Variants in MLLT10 observed in about 807,000 individuals in gnomAD.
MLLT10 encodes the protein MLLT10 histone lysine methyltransferase DOT1L cofactor.
A neutral mutation model predicts 129.1 loss-of-function variants in MLLT10; 30 were observed. The observed-to-expected ratio is 0.23, with a 90% CI of 0.17 to 0.32. MLLT10 has a LOEUF of 0.32. Among genes scored for constraint, MLLT10 ranks in the 10% least tolerant of loss-of-function variants. The pLI, the probability that MLLT10 is intolerant of heterozygous loss-of-function variation, is 1.00. For synonymous variants in MLLT10, 490 were observed against 446.4 expected (o/e 1.10, Z -1.23); for missense variants, 1,119 against 1,268.3 (o/e 0.88, Z 1.79).
At chr10:21,544,114 A>G (rs1451754434) in intron 3 of MLLT10, among the ~76,000 whole-genome samples, 1 of 152,108 alleles carries the variant, frequency 6.6e-6, no homozygotes, top group African/African-American at 2.4e-5. Flanking sequence ...TATTATTCTT[A>G]CTTTATGGGT....
At chr10:21,577,710 A>T (rs11012742) in intron 3 of MLLT10, among the ~76,000 whole-genome samples, 8,930 of 152,044 alleles carry the variant, frequency 0.059, 867 homozygotes, top group African/African-American at 0.2. Context: ...ACCTCAGGTT[A>T]TCCGCCCACA....
chr10:21,696,550 GA>G (rs1348342442), intron 13 of MLLT10, among the ~76,000 whole-genome samples: 2 of 152,120 alleles, frequency 1.3e-5, no homozygotes, highest in African/African-American at 4.8e-5. Context: ...CATCTTAGAT[GA>G]CCTTTATGCA....
intron 16 of MLLT10, among the ~76,000 whole-genome samples, chr10:21,728,645 A>G (rs2057706222): frequency 6.6e-6 from 1 of 152,054 alleles, no homozygotes; most frequent in Non-Finnish European, 1.5e-5. Context: ...CCCTCCCTCA[A>G]GCATGGTGTT....
intron 11 of MLLT10, among the ~76,000 whole-genome samples, 182 bp downstream of exon 11, chr10:21,674,101 G>C (rs1249724867): frequency 1.3e-5 from 2 of 152,316 alleles, no homozygotes; most frequent in East Asian, 1.9e-4. Context: ...TAAAGTCTTA[G>C]ATGATTTGGT....
chr10:21,629,681 AATGTT>A (rs1465570282), intron 8 of MLLT10, among the ~76,000 whole-genome samples: 2 of 152,190 alleles, frequency 1.3e-5, no homozygotes, highest in East Asian at 3.8e-4. Context: ...TAGAAGGATA[AATGTT>A]ATGTTCTTTG....
chr10:21,585,105 G>A (rs1703041004), intron 3 of MLLT10, among the ~76,000 whole-genome samples: 2 of 151,724 alleles, frequency 1.3e-5, no homozygotes, highest in Admixed American at 1.3e-4. Flanking sequence ...TTTGTTTTTT[G>A]TAGAGGTGGG....
chr10:21,704,729 T>C (rs1258081466), intron 13 of MLLT10, among the ~76,000 whole-genome samples: 1 of 152,046 alleles, frequency 6.6e-6, no homozygotes, highest in Non-Finnish European at 1.5e-5. Context: ...GAACATTTTA[T>C]TGAAGATATA....
intron 13 of MLLT10, among the ~76,000 whole-genome samples, chr10:21,704,909 TAGGATGCCAAGTAGACC>T: frequency 6.6e-6 from 1 of 152,248 alleles, no homozygotes; most frequent in African/African-American, 2.4e-5. Context: ...TGCTGGGGAC[TAGGATGCCAAGTAGACC>T]AGCCTTTGCA....
At position 21,534,273 on chromosome 10, in the gene MLLT10, T is replaced by G. The variant is rs1292938096; in HGVS notation, c.-248T>G. 1.0e-5 allele frequency: 4 copies of G among 387,892 alleles called. No homozygotes were observed. Among genetic ancestry groups the G allele is most frequent in the African/African-American group, 2.2e-5 (1 of 45,780 alleles). 24.0% of individuals were successfully genotyped at this position (387,892 alleles called of 1,614,324 possible). A position where few individuals can be genotyped will look rare whatever the true frequency, so the allele number is the denominator to read the frequency against. On this transcript the variant is annotated 5_prime_UTR_variant, in exon 1 of 23. Transcript: ENST00000307729. ...GCTCCGAGGAGGAAGCGCAGCCCCC[T>G]TCCCCTCCCTCGCTGCCCCTGGCCC...
chr10:21,538,441 G>A (rs906900020), intron 2 of MLLT10, among the ~76,000 whole-genome samples: 13 of 151,958 alleles, frequency 8.6e-5, no homozygotes, highest in Non-Finnish European at 1.6e-4. Context: ...GGGATTATAG[G>A]TGTGAGCCAC....
intron 3 of MLLT10, among the ~76,000 whole-genome samples, chr10:21,554,556 T>A (rs554229385): frequency 8.0e-5 from 12 of 150,786 alleles, no homozygotes; most frequent in African/African-American, 2.9e-4. Flanking sequence ...CGGGTTCAAG[T>A]GATTCCCCTG....
chr10:21,544,759 T>A (rs1207180805), intron 3 of MLLT10, among the ~76,000 whole-genome samples: 1 of 152,210 alleles, frequency 6.6e-6, no homozygotes, highest in Non-Finnish European at 1.5e-5. Context: ...ATACCATTAA[T>A]AAATATTAGA....
chr10:21,540,865 G>A (rs1297777399), intron 3 of MLLT10, among the ~76,000 whole-genome samples: 3 of 152,134 alleles, frequency 2.0e-5, no homozygotes, highest in Admixed American at 1.3e-4. Flanking sequence ...ATTTTTGAGC[G>A]GTAGAAATAA....
chr10:21,590,271 C>T lies in MLLT10; in HGVS notation c.295+3923C>T, dbSNP rs374049824. 4.6e-5 allele frequency among the ~76,000 whole-genome samples: 7 copies of T among 152,058 alleles called. No homozygotes were observed. In the East Asian group the frequency reaches 9.7e-4, roughly 21 times the overall value. ...TTATAAACTTAAGTCAATTTTGGTG[C>T]GCTCTATTTTTCCAAGAAATTTAAC... On this transcript the variant is annotated intron_variant, in intron 4 of 22. Coordinates refer to ENST00000307729, the MANE Select transcript of MLLT10 (RefSeq NM_001195626.3).
intron 2 of MLLT10, among the ~76,000 whole-genome samples, 175 bp downstream of exon 2, chr10:21,534,979 G>A (rs1404605103): frequency 2.0e-5 from 3 of 149,548 alleles, no homozygotes; most frequent in Admixed American, 6.7e-5. Context: ...GAAAGTGCGT[G>A]TGGCCCGGAC....
intron 21 of MLLT10, among the ~76,000 whole-genome samples, chr10:21,739,357 T>A (rs2058645432): frequency 6.6e-6 from 1 of 152,162 alleles, no homozygotes; most frequent in Non-Finnish European, 1.5e-5. Context: ...GAATTCCCTC[T>A]TCTCCTCCAA....
At chr10:21,717,675 TC>T (rs1409440974) in intron 14 of MLLT10, among the ~76,000 whole-genome samples, 5 of 117,246 alleles carry the variant, frequency 4.3e-5, no homozygotes, top group African/African-American at 1.7e-4. Flanking sequence ...TTCCTCCTCC[TC>T]TTCCTCCTCC....
intron 13 of MLLT10, among the ~76,000 whole-genome samples, chr10:21,701,192 T>C (rs2054869869): frequency 6.7e-6 from 1 of 149,816 alleles, no homozygotes; most frequent in African/African-American, 2.4e-5. Context: ...TTGATTTTGC[T>C]GATTTGGTTC....
rs1004383321 is a variant in MLLT10, at chr10:21,667,163, A to G, written c.796-3286A>G. ...CCTGTTTTCTAGATCGAATGTTTTC[A>G]GGGAAGATTTTGCTTTCATTCTTAA... On this transcript the variant is annotated intron_variant, in intron 9 of 22. Coordinates refer to ENST00000307729, the MANE Select transcript of MLLT10 (RefSeq NM_001195626.3). Among the ~76,000 whole-genome samples the G allele has an allele frequency of 9.2e-5, 14 of 152,172 alleles. 1 individual carries two copies. The South Asian group carries it at 1.0e-3, about 11-fold the overall frequency.
Sources: gnomAD v4.1 joint callset for allele counts (sites outside exome capture counted in the v4.1 genomes callset) on GRCh38, gnomAD v4.1.1 for gene constraint, MANE v1.5 for transcripts, NCBI Gene and HGNC (gene_info 2026-07-23, HGNC 2026-07-21) for gene names.